The following GRM7 variants were observed in gnomAD, a reference collection of about 807,000 sequenced individuals.
GRM7 encodes the protein metabotropic glutamate receptor 7.
A neutral mutation model predicts 84.5 loss-of-function variants in GRM7; 35 were observed. The ratio of observed to expected loss-of-function variants is 0.41; its 90% CI spans 0.32 to 0.55. The LOEUF (loss-of-function observed/expected upper bound fraction) is 0.55. Ranked by LOEUF, GRM7 falls within the 20% of genes least tolerant of loss-of-function variation. The pLI is 0.19. For synonymous variants in GRM7, 487 were observed against 455.1 expected (o/e 1.07, Z -0.89); for missense variants, 1,003 against 1,194.6 (o/e 0.84, Z 2.36).
chr3:7,376,728 G>A (rs1694366707), intron 4 of GRM7, among the ~76,000 whole-genome samples: 1 of 151,686 alleles, frequency 6.6e-6, no homozygotes. Context: ...CGTGTGGCTT[G>A]TAATGCCTAA....
chr3:7,293,811 A>G (rs977608346), intron 2 of GRM7, among the ~76,000 whole-genome samples: 19 of 152,208 alleles, frequency 1.2e-4, no homozygotes, highest in African/African-American at 4.6e-4. Context: ...TATGGCTTGA[A>G]TGTTTATGTT....
intron 9 of GRM7, among the ~76,000 whole-genome samples, chr3:7,710,389 C>T (rs1701540133): frequency 6.6e-6 from 1 of 152,160 alleles, no homozygotes. Context: ...AGCCCTGTCA[C>T]TCACAAACAC....
At chr3:7,530,992 T>G (rs1446286880) in intron 7 of GRM7, among the ~76,000 whole-genome samples, 3 of 152,202 alleles carry the variant, frequency 2.0e-5, no homozygotes, top group African/African-American at 7.2e-5. Flanking sequence ...TGCAATTACT[T>G]TTGGTGTTTT....
intron 1 of GRM7, among the ~76,000 whole-genome samples, chr3:7,084,171 A>G (rs1698365104): frequency 6.6e-6 from 1 of 152,122 alleles, no homozygotes; most frequent in African/African-American, 2.4e-5. Flanking sequence ...ACTCCAAGGG[A>G]GCGAGGGCTG....
rs1694851937 is a variant in GRM7, at chr3:6,863,947, A to G, written c.519+2040A>G. Among the ~76,000 whole-genome samples, 1 of 152,160 alleles carries G rather than the reference A, an allele frequency of 6.6e-6. No individual in the cohort carries two copies. Among genetic ancestry groups the G allele is most frequent in the South Asian group, 2.1e-4 (1 of 4,828 alleles). ...TGAGGGACTGTGTTTGCTGAAAAAT[A>G]TTCCAGGGGGAGCTGATTCCTTCTC... On this transcript the variant is annotated intron_variant, in intron 1 of 9. Transcript: ENST00000357716. This position sits in a 1 kb window ranked among gnomAD's most constrained non-coding sequence, Gnocchi z 4.8.
At chr3:7,215,659 T>C (rs560977868) in intron 2 of GRM7, among the ~76,000 whole-genome samples, 64 of 148,612 alleles carry the variant, frequency 4.3e-4, no homozygotes, top group African/African-American at 8.0e-4. Flanking sequence ...AGCGAGACTC[T>C]GTCTCAAAAA....
intron 1 of GRM7, among the ~76,000 whole-genome samples, chr3:7,000,463 A>G (rs62236575): frequency 0.067 from 10,168 of 152,256 alleles, 480 homozygotes; most frequent in Non-Finnish European, 0.097. Context: ...CTGGGATTAC[A>G]GGCATGAGCC....
At chr3:7,425,521 T>A (rs1696572183) in intron 5 of GRM7, among the ~76,000 whole-genome samples, 1 of 152,238 alleles carries the variant, frequency 6.6e-6, no homozygotes, top group South Asian at 2.1e-4. Context: ...TGGTGGAGAC[T>A]GAAATAGTGT....
At chr3:7,471,267 A>G (rs1698690275) in intron 7 of GRM7, among the ~76,000 whole-genome samples, 1 of 151,754 alleles carries the variant, frequency 6.6e-6, no homozygotes, top group African/African-American at 2.4e-5. Flanking sequence ...ATTATCTCAC[A>G]GTTCTTTAGG....
chr3:7,006,090 C>T (rs541906897), intron 1 of GRM7, among the ~76,000 whole-genome samples: 11 of 152,262 alleles, frequency 7.2e-5, no homozygotes, highest in Non-Finnish European at 1.6e-4. Flanking sequence ...AACCTTCCCC[C>T]CTCCTGGCTC....
chr3:7,474,243 CT>C (rs1698828237), intron 7 of GRM7, among the ~76,000 whole-genome samples: 1 of 152,126 alleles, frequency 6.6e-6, no homozygotes, highest in South Asian at 2.1e-4. Context: ...CAACATTCTT[CT>C]GTTGAAATTA....
chr3:7,468,996 C>T (rs1044792275), intron 7 of GRM7, among the ~76,000 whole-genome samples: 37 of 152,294 alleles, frequency 2.4e-4, no homozygotes, highest in African/African-American at 8.2e-4. Context: ...TTGCTCAAAA[C>T]GTCAATTACT....
chr3:7,156,092 A>G (rs2125074416), intron 2 of GRM7, among the ~76,000 whole-genome samples: 1 of 152,310 alleles, frequency 6.6e-6, no homozygotes, highest in Middle Eastern at 3.4e-3. Flanking sequence ...ATTAGGGTGT[A>G]CCTTTGAGGA....
In GRM7 at chr3:7,393,239, T is replaced by G. The variant is rs373991960; in HGVS notation, c.1034-21784T>G. ...GCTGTGTCTATAGGTTCCCAGTGTC[T>G]CAGCTCTCAAAATGGCTCCCAGCTG... On this transcript the variant is annotated intron_variant, in intron 4 of 9. Transcript: ENST00000357716. Among the ~76,000 whole-genome samples the G allele has an allele frequency of 3.9e-5, 6 of 152,284 alleles. No individual in the cohort carries two copies. In the South Asian group the frequency reaches 8.3e-4, roughly 21 times the overall value.
chr3:7,678,530 G>A (rs991315210), intron 8 of GRM7, among the ~76,000 whole-genome samples: 1 of 152,070 alleles, frequency 6.6e-6, no homozygotes, highest in Non-Finnish European at 1.5e-5. Flanking sequence ...CTGGCAAGGT[G>A]GAATGACATT....
At chr3:7,647,071 C>G (rs527569327) in intron 8 of GRM7, among the ~76,000 whole-genome samples, 1 of 152,174 alleles carries the variant, frequency 6.6e-6, no homozygotes, top group Non-Finnish European at 1.5e-5. Context: ...GTAGTCCATG[C>G]TTGATGAAAT....
chr3:6,871,401 G>A (rs1365544232), intron 1 of GRM7, among the ~76,000 whole-genome samples: 1 of 151,998 alleles, frequency 6.6e-6, no homozygotes, highest in Non-Finnish European at 1.5e-5. Flanking sequence ...TGATACGCAT[G>A]ATGAAATTTA....
intron 2 of GRM7, among the ~76,000 whole-genome samples, chr3:7,263,461 A>G (rs1008732316): frequency 1.3e-5 from 2 of 152,086 alleles, no homozygotes; most frequent in Non-Finnish European, 2.9e-5. Flanking sequence ...TGGCTGTGAC[A>G]GGGTGCTAGC....
chr3:7,467,173 C>T (rs1330067574), intron 7 of GRM7, among the ~76,000 whole-genome samples: 8 of 152,070 alleles, frequency 5.3e-5, no homozygotes, highest in Non-Finnish European at 8.8e-5. Flanking sequence ...CTGCAACCTC[C>T]GCCTCCCAGG....
Sources: allele counts gnomAD v4.1 joint callset (sites outside exome capture counted in the v4.1 genomes callset), GRCh38; gene constraint gnomAD v4.1.1; non-coding constraint Gnocchi (gnomAD v3.1); transcripts MANE v1.5; gene names NCBI Gene and HGNC (gene_info 2026-07-23, HGNC 2026-07-21).